The following HIBCH variants were observed in gnomAD, a reference collection of about 807,000 sequenced individuals.
HIBCH encodes the protein 3-hydroxyisobutyryl-CoA hydrolase, mitochondrial.
Under a neutral mutation model 58.2 loss-of-function variants are expected in HIBCH, and 50 were observed. That is an observed-to-expected ratio of 0.86 (90% CI 0.68 to 1.09). The LOEUF is 1.09. Ranked by LOEUF, HIBCH falls within the 50% of genes least tolerant of loss-of-function variation. HIBCH has a pLI of 0.00. For missense variants in HIBCH, 450 were observed against 449.7 expected (o/e 1.00, Z -0.01); for synonymous variants, 151 against 146.9 (o/e 1.03, Z -0.20).
intron 6 of HIBCH, among the ~76,000 whole-genome samples, chr2:190,287,352 A>G (rs1687856548): frequency 6.6e-6 from 1 of 152,094 alleles, no homozygotes; most frequent in Non-Finnish European, 1.5e-5. Flanking sequence ...GTGAGGCACC[A>G]TGCCCGGCCA....
intron 11 of HIBCH, among the ~76,000 whole-genome samples, chr2:190,227,179 T>C (rs1304649621): frequency 3.3e-5 from 5 of 152,162 alleles, no homozygotes; most frequent in African/African-American, 9.7e-5. Context: ...CTTCAAACTA[T>C]ACTACAAGGC....
At chr2:190,293,788 A>T (rs1053567018) in intron 4 of HIBCH, among the ~76,000 whole-genome samples, 1 of 151,832 alleles carries the variant, frequency 6.6e-6, no homozygotes, top group Non-Finnish European at 1.5e-5. Flanking sequence ...CAAAATGTAA[A>T]AAGTTTTCAA....
chr2:190,261,185 C>G lies in HIBCH; in HGVS notation c.488G>C (p.Cys163Ser), dbSNP rs74832989. The G allele has an allele frequency of 3.9e-3, 6,270 of 1,613,038 alleles. 183 individuals carry two copies. The African/African-American group carries it at 0.065, about 17-fold the overall frequency. ...HGQFRVATEK[C>S]LFAMPETAIG... ...TGCAGTTTCTGGCATAGCAAAAAGACACTTTTCTGTAGCCACTCGAAATTG... is the reference window on the plus strand; with the variant it reads ...TGCAGTTTCTGGCATAGCAAAAAGAGACTTTTCTGTAGCCACTCGAAATTG... Residue 163 changes from cysteine (C) to serine (S), a missense_variant, in exon 7 of 14, where the codon TGT (cysteine) becomes TCT (serine). By Grantham distance (112) the Cys-to-Ser change is moderately radical (BLOSUM62 -1). Coordinates refer to ENST00000359678, the MANE Select transcript of HIBCH (RefSeq NM_014362.4).
At chr2:190,195,589 C>A (rs1320707237) in intron 1 of HIBCH, among the ~76,000 whole-genome samples, 4 of 152,146 alleles carry the variant, frequency 2.6e-5, no homozygotes. Context: ...AGATCTTTTG[C>A]CCATTTTTCA....
At position 190,206,789 on chromosome 2, in the gene HIBCH, C is replaced by T. The variant is rs1388297103; in HGVS notation, c.1046-1557G>A. Among the ~76,000 whole-genome samples, 3 of 152,142 alleles carry T rather than the reference C, an allele frequency of 2.0e-5. No homozygotes were observed. The highest frequency in any genetic ancestry group is 1.9e-4 in the East Asian group (1 of 5,196). On this transcript the variant is annotated intron_variant, in intron 13 of 13. Coordinates refer to ENST00000359678, the MANE Select transcript of HIBCH (RefSeq NM_014362.4). The surrounding 1 kb of genome is among the most constrained non-coding windows in gnomAD (Gnocchi z 5.1). ...CAACAGTTTTCAATCTCAGAACAGA[C>T]GCTGCTTTCTGAAAGAGGCGGCAAT... is the stretch of plus-strand genomic sequence containing the variant.
intron 1 of HIBCH, among the ~76,000 whole-genome samples, chr2:190,314,359 GTATATA>G (rs368528695): frequency 5.2e-5 from 7 of 133,914 alleles, no homozygotes; most frequent in African/African-American, 2.0e-4. Flanking sequence ...GTATATATAC[GTATATA>G]TATACGTATA....
Position 190,249,612 on chromosome 2 carries a change from C to T in HIBCH, c.750+28G>A, listed in dbSNP as rs1411044459. Reference sequence around the variant, plus strand: ...CACTTCCCCTCCCCATGAATTAAAACCTGAGGTTAGAATATTAACAAGATT... The same window carrying T: ...CACTTCCCCTCCCCATGAATTAAAATCTGAGGTTAGAATATTAACAAGATT... On this transcript the variant is annotated intron_variant, in intron 9 of 13. Coordinates refer to ENST00000359678, the MANE Select transcript of HIBCH (RefSeq NM_014362.4). The T allele has an allele frequency of 8.2e-6, 11 of 1,344,440 alleles. 1 individual carries two copies. In the Middle Eastern group the frequency reaches 5.4e-4, roughly 67 times the overall value. The allele number at this position is 1,344,440 out of a possible 1,614,324, so 83.3% of individuals were successfully genotyped here.
rs202045306 is a variant in HIBCH, at chr2:190,196,151, A to G, written c.*18-6154T>C. On this transcript the variant is annotated intron_variant, in intron 1 of 1. Coordinates refer to the HIBCH transcript ENST00000399855. ...TCTAATTGTCCCTCCCCAACCCCCA[A>G]TGTTCTTCCTTTCCTGTCTTCTTCT... is the stretch of plus-strand genomic sequence containing the variant. Among the ~76,000 whole-genome samples, 13 of 151,912 alleles carry G rather than the reference A, an allele frequency of 8.6e-5. No homozygotes were observed. In the East Asian group the frequency reaches 2.1e-3, roughly 25 times the overall value.
intron 11 of HIBCH, among the ~76,000 whole-genome samples, chr2:190,238,698 C>T (rs1686357414): frequency 6.6e-6 from 1 of 152,196 alleles, no homozygotes; most frequent in South Asian, 2.1e-4. Context: ...CTCCTGACCT[C>T]GTGATCCGCC....
intron 1 of HIBCH, among the ~76,000 whole-genome samples, chr2:190,190,905 G>A (rs1558997429): frequency 2.6e-5 from 4 of 152,042 alleles, no homozygotes. Context: ...CTCCAAAAAA[G>A]GTCCCTCCTG....
chr2:190,208,291 G>A (rs1457334555), intron 13 of HIBCH, among the ~76,000 whole-genome samples: 1 of 152,172 alleles, frequency 6.6e-6, no homozygotes, highest in Non-Finnish European at 1.5e-5. Flanking sequence ...AGGCCAGCAC[G>A]AAAGAGGGAG....
At chr2:190,285,988 C>T (rs1403575535) in intron 6 of HIBCH, among the ~76,000 whole-genome samples, 1 of 152,044 alleles carries the variant, frequency 6.6e-6, no homozygotes, top group Non-Finnish European at 1.5e-5. Flanking sequence ...ATTACTGGTG[C>T]ACACCATCAC....
intron 9 of HIBCH, among the ~76,000 whole-genome samples, chr2:190,246,961 A>G (rs995474125): frequency 6.6e-6 from 1 of 151,514 alleles, no homozygotes; most frequent in African/African-American, 2.4e-5. Context: ...AGACAGGCCT[A>G]TGATTGCAGC....
At chr2:190,261,520 C>A (rs291418) in intron 6 of HIBCH, among the ~76,000 whole-genome samples, 43,759 of 151,730 alleles carry the variant, frequency 0.29, 6,971 homozygotes, top group East Asian at 0.45. Flanking sequence ...AGCTATTATC[C>A]ATTTGGTAAG....
chr2:190,212,644 A>C (rs545597172), intron 12 of HIBCH, among the ~76,000 whole-genome samples: 1 of 152,328 alleles, frequency 6.6e-6, no homozygotes, highest in South Asian at 2.1e-4. Context: ...TACAGAGTTT[A>C]TATGCCTTGC....
At chr2:190,276,609 T>G (rs1687560301) in intron 6 of HIBCH, among the ~76,000 whole-genome samples, 1 of 152,210 alleles carries the variant, frequency 6.6e-6, no homozygotes, top group East Asian at 1.9e-4. Flanking sequence ...TCTCTCTTTC[T>G]CACTCCCTCT....
intron 1 of HIBCH, among the ~76,000 whole-genome samples, chr2:190,191,298 A>C (rs939854487): frequency 1.3e-5 from 2 of 152,066 alleles, no homozygotes; most frequent in Non-Finnish European, 1.5e-5. Flanking sequence ...GTGCACCACT[A>C]TGCCCTGCTA....
chr2:190,200,789 AAC>A (rs1690211781), downstream of HIBCH: 1 of 167,578 alleles, frequency 6.0e-6, no homozygotes, highest in South Asian at 2.1e-4. Flanking sequence ...TCTTAGAGAT[AAC>A]AGTTTATAGA....
rs760499540 is a variant in HIBCH, at chr2:190,268,160, A to C, written c.439-6926T>G. Among the ~76,000 whole-genome samples, 10 of 152,358 alleles carry C rather than the reference A, an allele frequency of 6.6e-5. No homozygotes were observed. The East Asian group carries it at 1.9e-3, about 29-fold the overall frequency. On this transcript the variant is annotated intron_variant, in intron 6 of 13. Coordinates refer to ENST00000359678, the MANE Select transcript of HIBCH (RefSeq NM_014362.4). ...TGTACTATCTAACCATTCTACAATTATGGTATGTCCTACCTCAAATAAAGG... is the reference window on the plus strand; with the variant it reads ...TGTACTATCTAACCATTCTACAATTCTGGTATGTCCTACCTCAAATAAAGG...
Sources: allele counts gnomAD v4.1 joint callset (sites outside exome capture counted in the v4.1 genomes callset), GRCh38; gene constraint gnomAD v4.1.1; non-coding constraint Gnocchi (gnomAD v3.1); transcripts MANE v1.5; gene names NCBI Gene and HGNC (gene_info 2026-07-23, HGNC 2026-07-21).